ATG16L2: variants seen among roughly 807,000 people sequenced by gnomAD.
The protein encoded by ATG16L2 is autophagy related 16 like 2.
ATG16L2 carries 77 observed loss-of-function variants against 84.7 expected under a neutral mutation model. The ratio of observed to expected loss-of-function variants is 0.91; its 90% confidence interval spans 0.76 to 1.10. The LOEUF (loss-of-function observed/expected upper bound fraction) is 1.10, where lower values mean the gene tolerates loss of function less well. Among genes scored for constraint, ATG16L2 ranks in the 50% least tolerant of loss-of-function variants. The pLI is 0.00. For synonymous variants in ATG16L2, 361 were observed against 342.8 expected, an observed-to-expected ratio of 1.05 and a Z score of -0.59; for missense variants, 782 against 817.6, an observed-to-expected ratio of 0.96 and a Z score of 0.53.
Position 72,826,825 on chromosome 11 carries a change from T to TGAGCCC in ATG16L2, c.1366+9_1366+14dup. ...AGTGGGACCTCGGCCGTGCCTATTG[T>TGAGCCC]GAGCCCGAGCCCCAGCCCCACCTCT... On this transcript the variant is annotated splice_region_variant and intron_variant, in intron 13 of 17. Coordinates refer to ENST00000321297, the MANE Select transcript of ATG16L2 (RefSeq NM_033388.2). The TGAGCCC allele has an allele frequency of 6.2e-7, 1 of 1,612,954 alleles. No individual in the cohort carries two copies.
chr11:72,833,750 G>A (rs569629681), downstream of ATG16L2, among the ~76,000 whole-genome samples: 5 of 152,016 alleles, frequency 3.3e-5, no homozygotes, highest in South Asian at 2.1e-4. Flanking sequence ...GTGAAACCCC[G>A]TTTCTACTAA....
downstream of ATG16L2, among the ~76,000 whole-genome samples, chr11:72,833,566 A>G (rs1054546382): frequency 3.3e-5 from 5 of 152,270 alleles, no homozygotes; most frequent in African/African-American, 1.2e-4. Context: ...TTCTATGCGC[A>G]GTGTAGAAGG....
In ATG16L2 at chr11:72,829,295, T is replaced by C; in HGVS notation, c.1773-8T>C. The C allele has an allele frequency of 6.2e-7, 1 of 1,612,400 alleles. No individual in the cohort carries two copies. Among genetic ancestry groups the C allele is most frequent in the Non-Finnish European group, 8.5e-7 (1 of 1,179,090 alleles). On this transcript the variant is annotated splice_polypyrimidine_tract_variant and splice_region_variant and intron_variant, in intron 17 of 17. Transcript: ENST00000321297. ...GCCCCCCTGAAGCCTGCCCCTCCCT[T>C]TCCCCAGCGCTGCCGTCAACGCCGT...
Position 72,822,777 on chromosome 11 carries a change from G to C in ATG16L2, c.711-71G>C. ...ATCACTGGGAATTCCTGTCTTCAGC[G>C]TATCCTGTGCTGGGGTCGGGAGGGG... On this transcript the variant is annotated intron_variant, in intron 6 of 17. Coordinates refer to ENST00000321297, the MANE Select transcript of ATG16L2 (RefSeq NM_033388.2). The surrounding 1 kb of genome is among the most constrained non-coding windows in gnomAD (Gnocchi z 4.2). 6.5e-6 allele frequency: 8 copies of C among 1,231,000 alleles called. No homozygotes were observed. Among genetic ancestry groups the C allele is most frequent in the Non-Finnish European group, 3.4e-6 (3 of 877,948 alleles). 76.3% of individuals were successfully genotyped at this position (1,231,000 alleles called of 1,614,324 possible). A position where few individuals can be genotyped will look rare whatever the true frequency, so the allele number is the denominator to read the frequency against.
chr11:72,822,934 C>G lies in ATG16L2; in HGVS notation c.797C>G (p.Ala266Gly), dbSNP rs1860100237. 1 of 1,574,978 alleles carries G rather than the reference C, an allele frequency of 6.3e-7. No individual in the cohort carries two copies. Among genetic ancestry groups the G allele is most frequent in the Non-Finnish European group, 8.6e-7 (1 of 1,159,658 alleles). Residue 266 changes from alanine (A) to glycine (G), a missense_variant, in exon 7 of 18, where the codon GCT becomes GGT. Physicochemically the swap from Ala to Gly is moderately conservative, Grantham distance 60. Coordinates refer to ENST00000321297, the MANE Select transcript of ATG16L2 (RefSeq NM_033388.2). This position sits in a 1 kb window ranked among gnomAD's most constrained non-coding sequence, Gnocchi z 4.2. ...APEPEPLEKE[A>G]CEKWKRPFRS... ...GAGCCAGAGCCCCTGGAGAAGGAAG[C>G]TTGTGAGAAGTGGAAGAGGCCCTTC... is the stretch of plus-strand genomic sequence containing the variant.
In ATG16L2 at chr11:72,824,852, G is replaced by A; in HGVS notation, c.996+10G>A. 1.3e-6 allele frequency: 2 copies of A among 1,572,214 alleles called. No individual in the cohort carries two copies. Among genetic ancestry groups the A allele is most frequent in the Non-Finnish European group, 1.7e-6 (2 of 1,159,152 alleles). On this transcript the variant is annotated intron_variant, in intron 9 of 17. Coordinates refer to ENST00000321297, the MANE Select transcript of ATG16L2 (RefSeq NM_033388.2). ...GGCTCAGGATGTGCTGGTAAGGGAG[G>A]AGCTGAGCCACATGGGTGGGGCAGT...
In ATG16L2 at chr11:72,822,722, G is replaced by A. The variant is rs1860086763; in HGVS notation, c.711-126G>A. 1 of 1,012,582 alleles carries A rather than the reference G, an allele frequency of 9.9e-7. No individual in the cohort carries two copies. The highest frequency in any genetic ancestry group is 1.4e-6 in the Non-Finnish European group (1 of 689,806). 62.7% of individuals were successfully genotyped at this position (1,012,582 alleles called of 1,614,324 possible). On this transcript the variant is annotated intron_variant, in intron 6 of 17. Transcript: ENST00000321297. This position sits in a 1 kb window ranked among gnomAD's most constrained non-coding sequence, Gnocchi z 4.2. Reference sequence around the variant, plus strand: ...GTCGTAGGAGCCTGCATGCGTGACCGCTGCACGTGTACACCCACACAGAAC... The same window carrying A: ...GTCGTAGGAGCCTGCATGCGTGACCACTGCACGTGTACACCCACACAGAAC...
chr11:72,831,593 T>C (rs1440575756), downstream of ATG16L2, among the ~76,000 whole-genome samples: 2 of 152,184 alleles, frequency 1.3e-5, no homozygotes, highest in African/African-American at 4.8e-5. Flanking sequence ...TACTCAGCCT[T>C]CTACTCTGCC....
intron 1 of ATG16L2, chr11:72,816,135 C>T (rs4944014): frequency 0.3 from 45,742 of 152,290 alleles, 7,314 homozygotes; most frequent in African/African-American, 0.41. Context: ...CCTGCCACCA[C>T]GCCTGGCTAA....
At chr11:72,830,879 C>G (rs913972908), downstream of ATG16L2, among the ~76,000 whole-genome samples, 1 of 152,248 alleles carries the variant, frequency 6.6e-6, no homozygotes, top group Non-Finnish European at 1.5e-5. Context: ...GTCCTCCTGC[C>G]TTAGCCTCCC....
rs771389755 is a variant in ATG16L2, at chr11:72,828,839, C to T, written c.1671-44C>T. The T allele has an allele frequency of 6.2e-6, 10 of 1,613,806 alleles. No homozygotes were observed. In the South Asian group the frequency reaches 1.1e-4, roughly 18 times the overall value. On this transcript the variant is annotated intron_variant, in intron 16 of 17. Coordinates refer to ENST00000321297, the MANE Select transcript of ATG16L2 (RefSeq NM_033388.2). ...CCCTGCCGGACCCTGTGTGTGCCCT[C>T]CCCTCTGACCCCCCGTTTTCTTGCT...
At chr11:72,819,030 C>T (rs1446579705) in intron 3 of ATG16L2, 1 of 152,198 alleles carries the variant, frequency 6.6e-6, no homozygotes, top group Non-Finnish European at 1.5e-5. Context: ...CTGTGAGCTC[C>T]CCAAGCCCTG....
Position 72,824,825 on chromosome 11 carries a change from C to T in ATG16L2, c.979C>T (p.Arg327Trp), listed in dbSNP as rs146520723. The T allele has an allele frequency of 5.3e-5, 85 of 1,595,290 alleles. No homozygotes were observed. In the African/African-American group the frequency reaches 9.1e-4, roughly 17 times the overall value. ...PVCVAARLPT[R>W]AQDVLDAHLS... ...GTGTGTGGCTGCCCGACTTCCTACC[C>T]GGGCTCAGGATGTGCTGGTAAGGGA... is the stretch of plus-strand genomic sequence containing the variant. Residue 327 changes from arginine (R) to tryptophan (W), a missense_variant, in exon 9 of 18, where the codon CGG becomes TGG. Coordinates refer to ENST00000321297, the MANE Select transcript of ATG16L2 (RefSeq NM_033388.2).
At chr11:72,814,699 A>G in intron 1 of ATG16L2, 136 bp downstream of exon 1, 1 of 622,986 alleles carries the variant, frequency 1.6e-6, no homozygotes, top group Non-Finnish European at 2.5e-6. Flanking sequence ...CGTTACGCCC[A>G]TCCCGACTGC....
At chr11:72,816,614 C>T (rs896702200) in intron 1 of ATG16L2, 114 bp from the exon 2 acceptor site, 4 of 823,378 alleles carry the variant, frequency 4.9e-6, no homozygotes, top group Admixed American at 4.3e-5. Context: ...CAGAAGCTTC[C>T]CCATCCCTAG....
Position 72,822,110 on chromosome 11 carries a change from G to A in ATG16L2, c.459G>A (p.Val153=). ...REARAQQAQQ[V]EEWRAQNAVQ... Reference sequence around the variant, plus strand: ...CGCGGGCGCAGCAGGCCCAGCAGGTGGAGGAGTGGCGGGCGCAGAATGCGG... The same window carrying A: ...CGCGGGCGCAGCAGGCCCAGCAGGTAGAGGAGTGGCGGGCGCAGAATGCGG... Residue 153 remains valine, a synonymous_variant, in exon 5 of 18, where the codon GTG becomes GTA. Coordinates refer to ENST00000321297, the MANE Select transcript of ATG16L2 (RefSeq NM_033388.2). The surrounding 1 kb of genome is among the most constrained non-coding windows in gnomAD (Gnocchi z 4.2). 6.5e-7 allele frequency: 1 copy of A among 1,536,040 alleles called. No individual in the cohort carries two copies. Among genetic ancestry groups the A allele is most frequent in the Admixed American group, 2.0e-5 (1 of 49,496 alleles).
rs535866208 is a variant in ATG16L2 at position 72,835,605 on chromosome 11, T to A, written c.*21+6829T>A. On this transcript the variant is annotated intron_variant, in intron 5 of 5. Coordinates refer to the ATG16L2 transcript ENST00000534905. The stretch of plus-strand genomic sequence containing the variant: ...TAACCCAGACCTCCTGGCTCCTAAG[T>A]CCATATGCGGTTGGTGGGAGTGTAA... Among the ~76,000 whole-genome samples, 633 of 152,228 alleles carry A rather than the reference T, an allele frequency of 4.2e-3. 3 individuals are homozygous for A. The highest frequency in any genetic ancestry group is 0.015 in the African/African-American group (606 of 41,534).
chr11:72,839,243 G>T (rs556194744), intron 5 of ATG16L2, among the ~76,000 whole-genome samples: 1 of 152,316 alleles, frequency 6.6e-6, no homozygotes, highest in East Asian at 1.9e-4. Flanking sequence ...GAGAAGGCTA[G>T]AAAGGTAGGC....
chr11:72,816,246 C>G (rs1408125802), intron 1 of ATG16L2: 1 of 153,488 alleles, frequency 6.5e-6, no homozygotes, highest in African/African-American at 2.4e-5. Context: ...TCCCAGAGCG[C>G]TGGGAATTCA....
Sources: gnomAD v4.1 joint callset for allele counts (sites outside exome capture counted in the v4.1 genomes callset) on GRCh38, gnomAD v4.1.1 for gene constraint, Gnocchi (gnomAD v3.1) non-coding constraint, MANE v1.5 for transcripts, NCBI Gene and HGNC (gene_info 2026-07-23, HGNC 2026-07-21) for gene names.